Variants in HTT observed in about 807,000 individuals in gnomAD.
HTT encodes huntingtin, also known as huntington disease protein.
HTT carries 104 observed loss-of-function variants against 362.3 expected under a neutral mutation model. The observed-to-expected ratio is 0.29, with a 90% confidence interval of 0.24 to 0.34. The LOEUF (loss-of-function observed/expected upper bound fraction) is 0.34, where lower values mean the gene tolerates loss of function less well. Ranked by LOEUF, HTT falls within the 10% of genes least tolerant of loss-of-function variation. HTT has a pLI of 1.00. For missense variants in HTT, 3,301 were observed against 3,928.6 expected (o/e 0.84, Z 4.27); for synonymous variants, 1,577 against 1,548.7 (o/e 1.02, Z -0.43).
chr4:3,230,163 C>T (rs1411435989), intron 60 of HTT, 121 bp downstream of exon 60: 21 of 766,794 alleles, frequency 2.7e-5, no homozygotes, highest in East Asian at 5.1e-5. Context: ...TGACCCGAAC[C>T]GGACTCCACG....
rs1196107072 is a variant in HTT, at chr4:3,236,272, A to C, written c.8891+18A>C. The C allele has an allele frequency of 9.8e-6, 15 of 1,536,464 alleles. No homozygotes were observed. Among genetic ancestry groups the C allele is most frequent in the Non-Finnish European group, 1.3e-5 (14 of 1,109,046 alleles). ...TTTGATAGGTAAGAAGCGAAGCCCC[A>C]TCCCTCAGCCGTTAGCTTCCCTAGA... is the stretch of plus-strand genomic sequence containing the variant. On this transcript the variant is annotated intron_variant, in intron 64 of 66. Coordinates refer to ENST00000355072, the MANE Select transcript of HTT (RefSeq NM_001388492.1).
At chr4:3,211,869 C>T in intron 47 of HTT, 60 bp from the exon 48 acceptor site, 8 of 1,215,232 alleles carry the variant, frequency 6.6e-6, no homozygotes, top group Middle Eastern at 1.9e-4. Context: ...TTTTTCTTAC[C>T]TGATTGAAAG....
chr4:3,144,404 G>A (rs967878164), intron 23 of HTT, among the ~76,000 whole-genome samples: 5 of 152,096 alleles, frequency 3.3e-5, no homozygotes, highest in Admixed American at 1.3e-4. Flanking sequence ...TGCAGCCTCC[G>A]CTTCCTGGGT....
intron 29 of HTT, among the ~76,000 whole-genome samples, chr4:3,163,042 G>T (rs190701517): frequency 2.6e-5 from 4 of 152,198 alleles, no homozygotes; most frequent in Non-Finnish European, 5.9e-5. Flanking sequence ...TGCCCATTCA[G>T]TATGATATTA....
intron 2 of HTT, among the ~76,000 whole-genome samples, chr4:3,095,519 G>A (rs1384422139): frequency 2.6e-5 from 4 of 151,962 alleles, no homozygotes; most frequent in African/African-American, 9.7e-5. Flanking sequence ...GACTGTGCGA[G>A]GGCGAGGGCG....
intron 26 of HTT, among the ~76,000 whole-genome samples, chr4:3,151,308 G>A (rs1013612568): frequency 1.3e-5 from 2 of 152,098 alleles, no homozygotes; most frequent in Non-Finnish European, 1.5e-5. Context: ...AGGTGAAGGG[G>A]AAGTAGGCAC....
intron 21 of HTT, among the ~76,000 whole-genome samples, chr4:3,138,954 T>C (rs892644292): frequency 6.6e-6 from 1 of 152,164 alleles, no homozygotes; most frequent in African/African-American, 2.4e-5. Context: ...TTGAAAGTAA[T>C]ACATGTTTAA....
In HTT at chr4:3,242,355, T is replaced by C. The variant is rs1400377429; in HGVS notation, c.*2296T>C. 1.3e-5 allele frequency: 2 copies of C among 152,274 alleles called. No individual in the cohort carries two copies. The highest frequency in any genetic ancestry group is 2.4e-5 in the African/African-American group (1 of 41,544). 9.4% of individuals were successfully genotyped at this position (152,274 alleles called of 1,614,324 possible). A position where few individuals can be genotyped will look rare whatever the true frequency, so the allele number is the denominator to read the frequency against. The stretch of plus-strand genomic sequence containing the variant: ...GCTCCGGAGATGAATATGAGCTCAT[T>C]AGTAAAAATGACTTCACCCACGCAT... On this transcript the variant is annotated 3_prime_UTR_variant, in exon 67 of 67. Transcript: ENST00000355072.
Position 3,218,683 on chromosome 4 carries a change from A to G in HTT, c.7242+731A>G, listed in dbSNP as rs1323889651. Reference sequence around the variant, plus strand: ...GATCAGAACCCTTGTTTCAGATAACATGAGGAGCTTAGCTTGAGGAGAGTG... The same window carrying G: ...GATCAGAACCCTTGTTTCAGATAACGTGAGGAGCTTAGCTTGAGGAGAGTG... On this transcript the variant is annotated intron_variant, in intron 52 of 66. Transcript: ENST00000355072. The surrounding 1 kb of genome is among the most constrained non-coding windows in gnomAD (Gnocchi z 4.4). 2.0e-5 allele frequency among the ~76,000 whole-genome samples: 3 copies of G among 152,166 alleles called. No individual in the cohort carries two copies. Among genetic ancestry groups the G allele is most frequent in the South Asian group, 2.1e-4 (1 of 4,818 alleles).
intron 12 of HTT, 142 bp from the exon 13 acceptor site, chr4:3,129,782 G>A (rs1715713541): frequency 1.0e-6 from 1 of 961,304 alleles, no homozygotes; most frequent in Non-Finnish European, 1.6e-6. Context: ...GTGCATTTCT[G>A]TGCCTTGAAA....
At chr4:3,207,749 C>T (rs1372253488) in intron 45 of HTT, among the ~76,000 whole-genome samples, 2 of 152,222 alleles carry the variant, frequency 1.3e-5, no homozygotes, top group Non-Finnish European at 2.9e-5. Flanking sequence ...TTACTCAATC[C>T]TTGGCATGCA....
At chr4:3,110,643 G>A (rs1019073925) in intron 6 of HTT, among the ~76,000 whole-genome samples, 2 of 152,196 alleles carry the variant, frequency 1.3e-5, no homozygotes, top group Non-Finnish European at 2.9e-5. Context: ...TGGGTATGGT[G>A]TTCTGGGGTA....
At chr4:3,126,597 A>G (rs1473157270) in intron 11 of HTT, among the ~76,000 whole-genome samples, 1 of 152,252 alleles carries the variant, frequency 6.6e-6, no homozygotes, top group Non-Finnish European at 1.5e-5. Context: ...CAAATTAAAC[A>G]ACAATAAAAC....
intron 40 of HTT, among the ~76,000 whole-genome samples, chr4:3,199,018 C>T (rs1286122683): frequency 6.6e-6 from 1 of 152,200 alleles, no homozygotes; most frequent in Non-Finnish European, 1.5e-5. Flanking sequence ...TGGCAGGTGC[C>T]GAGTGCTGTT....
At chr4:3,075,168 G>A (rs1005308435) in intron 1 of HTT, 80 bp downstream of exon 1, 15 of 1,167,638 alleles carry the variant, frequency 1.3e-5, no homozygotes, top group Non-Finnish European at 1.5e-5. Context: ...TGCAGCCTGC[G>A]GGCCGGCGAC....
At chr4:3,118,972 G>A (rs1314619135) in intron 8 of HTT, among the ~76,000 whole-genome samples, 3 of 152,094 alleles carry the variant, frequency 2.0e-5, no homozygotes, top group Non-Finnish European at 4.4e-5. Context: ...TATAATCCTA[G>A]GCCTGGCCAA....
chr4:3,228,554 C>G lies in HTT; in HGVS notation c.7849-61C>G. The G allele has an allele frequency of 6.6e-7, 1 of 1,504,984 alleles. No homozygotes were observed. The highest frequency in any genetic ancestry group is 8.9e-7 in the Non-Finnish European group (1 of 1,126,378). The allele number at this position is 1,504,984 out of a possible 1,614,324, so 93.2% of individuals were successfully genotyped here. Reference sequence around the variant, plus strand: ...TGTGCTGAGTCCCAGTGGCCACACCCACCCACCAGGAGCCTGGCACTGTGG... The same window carrying G: ...TGTGCTGAGTCCCAGTGGCCACACCGACCCACCAGGAGCCTGGCACTGTGG... On this transcript the variant is annotated intron_variant, in intron 57 of 66. Transcript: ENST00000355072. This position sits in a 1 kb window ranked among gnomAD's most constrained non-coding sequence, Gnocchi z 4.3.
intron 59 of HTT, 55 bp downstream of exon 59, chr4:3,229,064 C>T (rs147195138): frequency 1.4e-5 from 21 of 1,550,648 alleles, no homozygotes; most frequent in East Asian, 6.8e-5. Flanking sequence ...GCACCACACA[C>T]GCCACACACC....
chr4:3,113,477 G>C (rs1039204692), intron 6 of HTT, among the ~76,000 whole-genome samples: 1 of 152,000 alleles, frequency 6.6e-6, no homozygotes, highest in African/African-American at 2.4e-5. Context: ...CTGCAGGTGC[G>C]TACCACCATG....
Sources: gnomAD v4.1 joint callset for allele counts (sites outside exome capture counted in the v4.1 genomes callset) on GRCh38, gnomAD v4.1.1 for gene constraint, Gnocchi (gnomAD v3.1) non-coding constraint, MANE v1.5 for transcripts, NCBI Gene and HGNC (gene_info 2026-07-23, HGNC 2026-07-21) for gene names.